The following RARB variants were observed in gnomAD, a reference collection of about 807,000 sequenced individuals.
RARB encodes retinoic acid receptor beta, also known as HBV-activated protein.
In RARB, 17 loss-of-function variants were observed where a neutral mutation model predicts 51.9. The observed-to-expected ratio is 0.33, with a 90% confidence interval of 0.22 to 0.49. The LOEUF is 0.49. Ranked by LOEUF, RARB falls within the 20% of genes least tolerant of loss-of-function variation. The pLI is 0.99. For missense variants in RARB, 369 were observed against 550.8 expected, an observed-to-expected ratio of 0.67 and a Z score of 3.30; for synonymous variants, 215 against 195.4, an observed-to-expected ratio of 1.10 and a Z score of -0.84.
intron 5 of RARB, among the ~76,000 whole-genome samples, chr3:25,363,377 A>C (rs1706012550): frequency 6.6e-6 from 1 of 152,026 alleles, no homozygotes. Context: ...AGGTATCTCC[A>C]CTTAGATATC....
chr3:24,882,206 A>G (rs1337533223), intron 2 of RARB, among the ~76,000 whole-genome samples: 2 of 152,224 alleles, frequency 1.3e-5, no homozygotes. Context: ...TAGCAGAACA[A>G]GTAGCTAAGA....
rs1305552545 is a variant in RARB, at chr3:24,989,990, G to A, written c.-379-70135G>A. ...AATTTTTTGTATTTTTAGTAGAGAC[G>A]GGGTTTCACCTTGTTAGCCAGGATG... On this transcript the variant is annotated intron_variant, in intron 2 of 11. Coordinates refer to the RARB transcript ENST00000383772. Among the ~76,000 whole-genome samples the A allele has an allele frequency of 4.2e-5, 4 of 95,706 alleles. 1 individual carries two copies. The highest frequency in any genetic ancestry group is 1.7e-4 in the African/African-American group (4 of 23,966). 62.8% of individuals were successfully genotyped at this position (95,706 alleles called of 152,430 possible).
intron 3 of RARB, among the ~76,000 whole-genome samples, chr3:25,543,635 G>A (rs542922516): frequency 2.5e-4 from 38 of 152,234 alleles, no homozygotes; most frequent in Admixed American, 5.2e-4. Context: ...AGCAAGCAGC[G>A]CTGACCTAAG....
chr3:25,585,843 G>A (rs1299137070), intron 5 of RARB, among the ~76,000 whole-genome samples: 2 of 152,174 alleles, frequency 1.3e-5, no homozygotes, highest in African/African-American at 2.4e-5. Context: ...TCCCCAGGTC[G>A]CGCAGCTAGT....
At chr3:25,119,707 A>C (rs997506009) in intron 3 of RARB, among the ~76,000 whole-genome samples, 3 of 152,112 alleles carry the variant, frequency 2.0e-5, no homozygotes, top group African/African-American at 7.2e-5. Context: ...GTCAATACTA[A>C]GGAAATTAAC....
intron 2 of RARB, among the ~76,000 whole-genome samples, chr3:24,986,365 C>A (rs1286422532): frequency 6.6e-6 from 1 of 152,132 alleles, no homozygotes; most frequent in East Asian, 1.9e-4. Context: ...AGAGAAAAAT[C>A]AGTATCAGGC....
At chr3:24,842,674 C>A (rs1452471099) in intron 1 of RARB, among the ~76,000 whole-genome samples, 1 of 152,164 alleles carries the variant, frequency 6.6e-6, no homozygotes, top group East Asian at 1.9e-4. Flanking sequence ...ATCCTCTCTT[C>A]AGTTCAGAGC....
intron 1 of RARB, among the ~76,000 whole-genome samples, chr3:25,453,243 C>CTTTTTTTTT (rs758275411): frequency 2.4e-5 from 2 of 81,984 alleles, no homozygotes; most frequent in African/African-American, 5.5e-5. Context: ...CAAGATTCTG[C>CTTTTTTTTT]TTTTTTTTTT....
At chr3:24,902,411 T>TTC (rs1559388906) in intron 2 of RARB, among the ~76,000 whole-genome samples, 2 of 152,092 alleles carry the variant, frequency 1.3e-5, no homozygotes, top group African/African-American at 4.8e-5. Context: ...GGTTTTTTTT[T>TTC]CCCACTTTTT....
chr3:25,330,244 GT>G, intron 5 of RARB, among the ~76,000 whole-genome samples: 1 of 151,866 alleles, frequency 6.6e-6, no homozygotes, highest in South Asian at 2.1e-4. Flanking sequence ...GAAGGAAAAA[GT>G]GTTAAGGGCA....
intron 5 of RARB, among the ~76,000 whole-genome samples, chr3:25,411,125 A>G (rs1707550877): frequency 6.6e-6 from 1 of 152,176 alleles, no homozygotes; most frequent in Admixed American, 6.5e-5. Context: ...CTTTTTTTAA[A>G]TCAGCATAAC....
At chr3:25,435,523 G>T (rs577931990) in intron 1 of RARB, among the ~76,000 whole-genome samples, 1 of 152,268 alleles carries the variant, frequency 6.6e-6, no homozygotes, top group Admixed American at 6.5e-5. Flanking sequence ...TTAGGGGCTG[G>T]TCTATTGGAA....
At chr3:25,256,157 T>G (rs1334827300) in intron 5 of RARB, among the ~76,000 whole-genome samples, 3 of 152,176 alleles carry the variant, frequency 2.0e-5, no homozygotes, top group African/African-American at 7.2e-5. Context: ...CTGCTGTTGT[T>G]CAAAAATATT....
intron 5 of RARB, among the ~76,000 whole-genome samples, chr3:25,374,919 C>CT (rs1706412547): frequency 1.3e-5 from 2 of 152,304 alleles, no homozygotes; most frequent in South Asian, 4.1e-4. Flanking sequence ...AGAGAAGACT[C>CT]TAAGATTATT....
At chr3:25,559,556 C>A (rs1358750646) in intron 3 of RARB, among the ~76,000 whole-genome samples, 1 of 152,186 alleles carries the variant, frequency 6.6e-6, no homozygotes, top group Admixed American at 6.5e-5. Flanking sequence ...TGAAATGATA[C>A]CTTCTTACTC....
chr3:25,456,682 TAGAGAGAGAGAGAG>T (rs201238732), intron 1 of RARB, among the ~76,000 whole-genome samples: 18 of 88,392 alleles, frequency 2.0e-4, no homozygotes, highest in East Asian at 7.4e-4. Flanking sequence ...TATATATATA[TAGAGAGAGAGAGAG>T]AGAGAGAGAG....
At chr3:25,471,470 A>G (rs1695689203) in intron 2 of RARB, among the ~76,000 whole-genome samples, 1 of 151,860 alleles carries the variant, frequency 6.6e-6, no homozygotes, top group African/African-American at 2.4e-5. Context: ...CTTCTAACAA[A>G]TTGAGAACTG....
intron 1 of RARB, among the ~76,000 whole-genome samples, chr3:25,446,794 C>G (rs1352349952): frequency 4.0e-5 from 4 of 99,478 alleles, no homozygotes; most frequent in Non-Finnish European, 7.1e-5. Flanking sequence ...CAGAGCCAGA[C>G]TCCGTCTCAA....
chr3:25,016,713 T>C (rs554192037), intron 2 of RARB, among the ~76,000 whole-genome samples: 9 of 152,102 alleles, frequency 5.9e-5, no homozygotes. Flanking sequence ...ATGGTCAATA[T>C]AGCATTTCTT....
Sources: allele counts gnomAD v4.1 joint callset (sites outside exome capture counted in the v4.1 genomes callset), GRCh38; gene constraint gnomAD v4.1.1; transcripts MANE v1.5; gene names NCBI Gene and HGNC (gene_info 2026-07-23, HGNC 2026-07-21).